NRG1: variants seen among roughly 807,000 people sequenced by gnomAD.
NRG1 encodes the protein pro-neuregulin-1, membrane-bound isoform.
In NRG1, 18 loss-of-function variants were observed where a neutral mutation model predicts 63.8. That is an observed-to-expected ratio of 0.28 (90% CI 0.19 to 0.42). NRG1 has a LOEUF of 0.42. Among genes scored for constraint, NRG1 ranks in the 10% least tolerant of loss-of-function variants. NRG1 has a pLI of 1.00. For missense variants in NRG1, 762 were observed against 814.7 expected (o/e 0.94, Z 0.79); for synonymous variants, 302 against 301.3 (o/e 1.00, Z -0.02).
chr8:32,399,738 G>A (rs998006733), intron 1 of NRG1, among the ~76,000 whole-genome samples: 1 of 152,144 alleles, frequency 6.6e-6, no homozygotes, highest in Non-Finnish European at 1.5e-5. Flanking sequence ...TAGAAAAAAA[G>A]TCATAACTTT....
At chr8:32,261,046 C>T (rs1850310681) in intron 1 of NRG1, among the ~76,000 whole-genome samples, 1 of 152,112 alleles carries the variant, frequency 6.6e-6, no homozygotes, top group African/African-American at 2.4e-5. Flanking sequence ...TTAAACAAAA[C>T]ACTTTTTATC....
In NRG1 at chr8:32,648,432, G is replaced by A. The variant is rs201703902; in HGVS notation, c.502+31547G>A. ...ACGATGATGATGATGAATAAAAGGG[G>A]TGGGTTTGAGGTCCCCAAAGGACAT... On this transcript the variant is annotated intron_variant, in intron 5 of 11. Coordinates refer to ENST00000356819, the Ensembl canonical transcript of NRG1. The A allele has an allele frequency of 1.6e-5, 25 of 1,586,496 alleles. No homozygotes were observed. The East Asian group carries it at 5.5e-4, about 35-fold the overall frequency.
intron 1 of NRG1, among the ~76,000 whole-genome samples, chr8:31,985,596 A>G (rs1214020512): frequency 6.6e-6 from 1 of 151,930 alleles, no homozygotes; most frequent in African/African-American, 2.4e-5. Flanking sequence ...TTAGATACTC[A>G]GAGTAGAATT....
At chr8:32,390,224 C>T (rs1811552018) in intron 1 of NRG1, among the ~76,000 whole-genome samples, 1 of 152,112 alleles carries the variant, frequency 6.6e-6, no homozygotes, top group South Asian at 2.1e-4. Flanking sequence ...TTCTCTCTAA[C>T]CCATTTCACT....
chr8:31,708,603 G>T (rs1251169202), intron 1 of NRG1, among the ~76,000 whole-genome samples: 2 of 151,242 alleles, frequency 1.3e-5, no homozygotes, highest in Non-Finnish European at 3.0e-5. Flanking sequence ...CCGCCACTAC[G>T]CCCGGCTAAT....
chr8:31,795,411 C>T (rs879816370), intron 1 of NRG1, among the ~76,000 whole-genome samples: 2 of 152,096 alleles, frequency 1.3e-5, no homozygotes, highest in East Asian at 1.9e-4. Context: ...AGTGATAGAG[C>T]GCTTGAATGA....
chr8:32,758,657 A>G (rs558527627), intron 9 of NRG1, among the ~76,000 whole-genome samples: 2 of 151,950 alleles, frequency 1.3e-5, no homozygotes, highest in African/African-American at 4.8e-5. Flanking sequence ...TACCTGCATT[A>G]AATAGAAATG....
At chr8:32,170,852 G>T (rs185726461) in intron 1 of NRG1, among the ~76,000 whole-genome samples, 1 of 152,178 alleles carries the variant, frequency 6.6e-6, no homozygotes, top group East Asian at 1.9e-4. Context: ...TGCAGTTTTT[G>T]ACTTTTTAAT....
chr8:32,215,912 G>A (rs541605557), intron 1 of NRG1, among the ~76,000 whole-genome samples: 4 of 152,068 alleles, frequency 2.6e-5, no homozygotes, highest in African/African-American at 9.6e-5. Flanking sequence ...CTGGTGGTGT[G>A]TGCCTGTAGT....
intron 1 of NRG1, among the ~76,000 whole-genome samples, chr8:31,959,056 G>A (rs1380005636): frequency 6.6e-6 from 1 of 152,176 alleles, no homozygotes; most frequent in Non-Finnish European, 1.5e-5. Flanking sequence ...CTCTCTGATA[G>A]CATTATGATG....
At chr8:31,695,280 A>G (rs1040964708) in intron 1 of NRG1, among the ~76,000 whole-genome samples, 1 of 152,090 alleles carries the variant, frequency 6.6e-6, no homozygotes, top group African/African-American at 2.4e-5. Context: ...AGTGATTCTT[A>G]TGCCTCAGCC....
chr8:32,013,376 C>T (rs893474897), intron 1 of NRG1, among the ~76,000 whole-genome samples: 4 of 152,076 alleles, frequency 2.6e-5, no homozygotes, highest in Non-Finnish European at 5.9e-5. Flanking sequence ...AAAGTGATCC[C>T]AGTGATGTCA....
At chr8:32,710,581 T>C (rs1157352048) in intron 5 of NRG1, among the ~76,000 whole-genome samples, 1 of 152,210 alleles carries the variant, frequency 6.6e-6, no homozygotes, top group Non-Finnish European at 1.5e-5. Flanking sequence ...GTGTATTTTT[T>C]TCTAACTCTA....
At chr8:32,097,363 ATT>A (rs1830028547) in intron 1 of NRG1, among the ~76,000 whole-genome samples, 2 of 152,142 alleles carry the variant, frequency 1.3e-5, no homozygotes, top group African/African-American at 4.8e-5. Context: ...CAGTCCCCAA[ATT>A]GAGATTGCTG....
intron 1 of NRG1, among the ~76,000 whole-genome samples, chr8:32,530,774 G>A (rs565594335): frequency 6.6e-6 from 1 of 152,068 alleles, no homozygotes; most frequent in South Asian, 2.1e-4. Flanking sequence ...ATAATAATTG[G>A]GTATTCGGGG....
At chr8:31,903,060 G>A (rs955703286) in intron 1 of NRG1, among the ~76,000 whole-genome samples, 1 of 151,944 alleles carries the variant, frequency 6.6e-6, no homozygotes, top group Non-Finnish European at 1.5e-5. Flanking sequence ...CCCACAGAGA[G>A]AGGAACTGGG....
chr8:31,669,318 A>G (rs1416735029), intron 1 of NRG1, among the ~76,000 whole-genome samples: 1 of 151,110 alleles, frequency 6.6e-6, no homozygotes, highest in Non-Finnish European at 1.5e-5. Context: ...GCTCACTGCA[A>G]CCTCCACCTC....
At chr8:32,688,576 C>T (rs960330771) in intron 5 of NRG1, among the ~76,000 whole-genome samples, 1 of 152,094 alleles carries the variant, frequency 6.6e-6, no homozygotes, top group Non-Finnish European at 1.5e-5. Flanking sequence ...TCATGCAGTA[C>T]GTGCACAATA....
chr8:32,072,622 A>G (rs1825919560), intron 1 of NRG1, among the ~76,000 whole-genome samples: 1 of 152,190 alleles, frequency 6.6e-6, no homozygotes, highest in Non-Finnish European at 1.5e-5. Flanking sequence ...GATCAAAATG[A>G]CCTAACTCCA....
Sources: allele counts gnomAD v4.1 joint callset (sites outside exome capture counted in the v4.1 genomes callset), GRCh38; gene constraint gnomAD v4.1.1; transcripts MANE v1.5; gene names NCBI Gene and HGNC (gene_info 2026-07-23, HGNC 2026-07-21).